PTGR2: variants seen among roughly 807,000 people sequenced by gnomAD.
PTGR2 encodes 15-oxoprostaglandin 13-reductase.
A neutral mutation model predicts 43.4 loss-of-function variants in PTGR2; 32 were observed. The observed-to-expected ratio is 0.74, with a 90% CI of 0.56 to 0.99. The LOEUF is 0.99. Ranked by LOEUF, PTGR2 falls within the 50% of genes least tolerant of loss-of-function variation. The pLI is 0.00. For synonymous variants in PTGR2, 106 were observed against 139.2 expected (o/e 0.76, Z 1.68); for missense variants, 373 against 420.0 (o/e 0.89, Z 0.98).
chr14:73,859,498 G>A (rs1437111079), intron 2 of PTGR2, among the ~76,000 whole-genome samples: 2 of 151,788 alleles, frequency 1.3e-5, no homozygotes, highest in Admixed American at 6.6e-5. Flanking sequence ...ACCTTCTAGT[G>A]GTAACCTTTC....
chr14:73,877,298 CAG>C lies in PTGR2; in HGVS notation c.519+133_519+134del, dbSNP rs1376518074. On this transcript the variant is annotated intron_variant, in intron 5 of 9. Coordinates refer to ENST00000555661, the MANE Select transcript of PTGR2 (RefSeq NM_001146154.2). ...TAAATTTTTTTTTTCTTTTTTGAGA[CAG>C]AGTCTCCAGGCTGGAGTGCAGTGGC... The C allele has an allele frequency of 2.2e-5, 18 of 829,388 alleles. No homozygotes were observed. The South Asian group carries it at 2.3e-4, about 11-fold the overall frequency. The allele number at this position is 829,388 out of a possible 1,614,324, so 51.4% of individuals were successfully genotyped here. A position where few individuals can be genotyped will look rare whatever the true frequency, so the allele number is the denominator to read the frequency against.
At chr14:73,884,037 C>A in intron 9 of PTGR2, 64 bp from the exon 10 acceptor site, 1 of 960,024 alleles carries the variant, frequency 1.0e-6, no homozygotes, top group Non-Finnish European at 1.6e-6. Flanking sequence ...TATGTTGTAC[C>A]TTTTGGAAAC....
Position 73,879,216 on chromosome 14 carries a change from G to A in PTGR2, c.640G>A (p.Ala214Thr). Reference protein sequence around the residue: ...AAINYKKDNVAEQLRESCPAG... With the variant: ...AAINYKKDNVTEQLRESCPAG... ...AATTAATTATAAAAAAGACAATGTG[G>A]CAGAACAGCTCCGTGAATCATGCCC... Residue 214 changes from alanine (A) to threonine (T), a missense_variant, in exon 6 of 10, where the codon GCA becomes ACA. Ala to Thr is a moderately conservative substitution (Grantham distance 58, BLOSUM62 0). Coordinates refer to ENST00000555661, the MANE Select transcript of PTGR2 (RefSeq NM_001146154.2). The A allele has an allele frequency of 6.2e-7, 1 of 1,614,052 alleles. No individual in the cohort carries two copies. The highest frequency in any genetic ancestry group is 8.5e-7 in the Non-Finnish European group (1 of 1,180,010).
intron 3 of PTGR2, among the ~76,000 whole-genome samples, chr14:73,863,455 T>C (rs1369384065): frequency 6.6e-6 from 1 of 152,072 alleles, no homozygotes; most frequent in Non-Finnish European, 1.5e-5. Context: ...GCTGAGACCA[T>C]AGGTGTGTGC....
At chr14:73,880,248 A>G (rs1362684010) in intron 7 of PTGR2, 72 bp downstream of exon 7, 13 of 1,547,446 alleles carry the variant, frequency 8.4e-6, no homozygotes, top group South Asian at 1.1e-5. Context: ...TATGAAATCT[A>G]TTGTTCTTCA....
At chr14:73,880,278 A>C in intron 7 of PTGR2, 102 bp downstream of exon 7, 1 of 1,445,312 alleles carries the variant, frequency 6.9e-7, no homozygotes. Flanking sequence ...TTTCTTTATT[A>C]AATAAAACTT....
chr14:73,868,283 T>C (rs1286804541), intron 3 of PTGR2, among the ~76,000 whole-genome samples: 1 of 151,560 alleles, frequency 6.6e-6, no homozygotes, highest in Non-Finnish European at 1.5e-5. Flanking sequence ...AGCAAGACTC[T>C]GTCTCAAAAA....
intron 3 of PTGR2, among the ~76,000 whole-genome samples, chr14:73,864,712 A>T (rs536214680): frequency 6.6e-6 from 1 of 152,264 alleles, no homozygotes; most frequent in East Asian, 1.9e-4. Flanking sequence ...TGGATGTATG[A>T]TCTATAAATA....
At chr14:73,872,812 A>T (rs1257196014) in intron 3 of PTGR2, among the ~76,000 whole-genome samples, 1 of 151,798 alleles carries the variant, frequency 6.6e-6, no homozygotes. Flanking sequence ...CTCCGTCTCT[A>T]CTAAAAATAC....
intron 8 of PTGR2, among the ~76,000 whole-genome samples, chr14:73,881,769 ATTCTT>A (rs2054993640): frequency 1.2e-5 from 1 of 84,864 alleles, no homozygotes; most frequent in African/African-American, 5.0e-5. Context: ...GGCCTAGGCT[ATTCTT>A]TTTTTTTTTT....
At chr14:73,871,255 G>T (rs1177322283) in intron 3 of PTGR2, among the ~76,000 whole-genome samples, 1 of 151,582 alleles carries the variant, frequency 6.6e-6, no homozygotes, top group African/African-American at 2.4e-5. Flanking sequence ...GATTCCTGTA[G>T]GGTGGTGCAC....
intron 3 of PTGR2, among the ~76,000 whole-genome samples, chr14:73,868,281 T>G (rs1185583475): frequency 6.6e-6 from 1 of 151,578 alleles, no homozygotes; most frequent in Non-Finnish European, 1.5e-5. Flanking sequence ...AGAGCAAGAC[T>G]CTGTCTCAAA....
At chr14:73,854,943 A>G (rs189168119) in intron 1 of PTGR2, among the ~76,000 whole-genome samples, 1 of 152,336 alleles carries the variant, frequency 6.6e-6, no homozygotes, top group Admixed American at 6.5e-5. Context: ...AGGAGATAGA[A>G]GAAACATTTC....
Position 73,879,082 on chromosome 14 carries a change from A to C in PTGR2, c.520-14A>C. On this transcript the variant is annotated splice_polypyrimidine_tract_variant and intron_variant, in intron 5 of 9. Coordinates refer to ENST00000555661, the MANE Select transcript of PTGR2 (RefSeq NM_001146154.2). Reference sequence around the variant, plus strand: ...ACAATATAAAGCCATTTAATCTTCAAATTTCCCCCCTAGATTGGCCATTTC... The same window carrying C: ...ACAATATAAAGCCATTTAATCTTCACATTTCCCCCCTAGATTGGCCATTTC... 2 of 1,610,340 alleles carry C rather than the reference A, an allele frequency of 1.2e-6. No homozygotes were observed. The highest frequency in any genetic ancestry group is 8.5e-7 in the Non-Finnish European group (1 of 1,177,348).
intron 3 of PTGR2, chr14:73,861,621 A>G (rs1013355039): frequency 1.3e-5 from 2 of 152,088 alleles, no homozygotes; most frequent in African/African-American, 4.8e-5. Flanking sequence ...CTGTAGTCCT[A>G]GCTACTCGAG....
chr14:73,865,419 T>C (rs2054578706), intron 3 of PTGR2, among the ~76,000 whole-genome samples: 2 of 152,204 alleles, frequency 1.3e-5, no homozygotes, highest in Admixed American at 1.3e-4. Context: ...GTTGAATGGA[T>C]GGTGCCCACC....
At position 73,860,562 on chromosome 14, in the gene PTGR2, G is replaced by A. The variant is rs372963597; in HGVS notation, c.61G>A (p.Glu21Lys). 5.7e-6 allele frequency: 9 copies of A among 1,579,010 alleles called. No homozygotes were observed. Among genetic ancestry groups the A allele is most frequent in the Admixed American group, 1.8e-5 (1 of 56,372 alleles). The change falls in exon 3 of 10, where the codon GAG (glutamate) becomes AAG (lysine). Residue 21 changes from glutamate (E) to lysine (K), a missense_variant. Coordinates refer to ENST00000555661, the MANE Select transcript of PTGR2 (RefSeq NM_001146154.2). ...RPGKNGNPVA[E>K]NFRMEEVYLP... ...AGGAAAAAATGGTAATCCAGTGGCA[G>A]AGAATTTCCGAATGGAAGAAGTCTA...
chr14:73,853,023 G>T (rs1371700811), intron 1 of PTGR2, among the ~76,000 whole-genome samples: 1 of 151,940 alleles, frequency 6.6e-6, no homozygotes, highest in Non-Finnish European at 1.5e-5. Flanking sequence ...GTTTTCCCAT[G>T]TTGGCCAGAC....
At chr14:73,880,566 C>T (rs1595371882) in intron 7 of PTGR2, among the ~76,000 whole-genome samples, 2 of 144,010 alleles carry the variant, frequency 1.4e-5, no homozygotes, top group South Asian at 2.2e-4. Flanking sequence ...GCAATGAAAA[C>T]GAAACTCCAT....
Sources: gnomAD v4.1 joint callset for allele counts (sites outside exome capture counted in the v4.1 genomes callset) on GRCh38, gnomAD v4.1.1 for gene constraint, MANE v1.5 for transcripts, NCBI Gene and HGNC (gene_info 2026-07-23, HGNC 2026-07-21) for gene names.